FOXJ3: variants seen among roughly 807,000 people sequenced by gnomAD.
The protein encoded by FOXJ3 is forkhead box J3.
In FOXJ3, 22 loss-of-function variants were observed where a neutral mutation model predicts 76.1. The ratio of observed to expected loss-of-function variants is 0.29; its 90% CI spans 0.21 to 0.41. The LOEUF is 0.41. Ranked by LOEUF, FOXJ3 falls within the 10% of genes least tolerant of loss-of-function variation. The probability of loss-of-function intolerance (pLI) is 1.00; values close to 1 mark genes in which losing one functional copy is unlikely to be tolerated. For synonymous variants in FOXJ3, 269 were observed against 261.2 expected (o/e 1.03, Z -0.29); for missense variants, 613 against 762.1 (o/e 0.80, Z 2.30).
chr1:42,263,166 TA>T (rs1340050529), intron 4 of FOXJ3, among the ~76,000 whole-genome samples: 1 of 152,184 alleles, frequency 6.6e-6, no homozygotes, highest in Non-Finnish European at 1.5e-5. Flanking sequence ...TTACCCCATA[TA>T]TTAAAGATGA....
intron 4 of FOXJ3, among the ~76,000 whole-genome samples, chr1:42,231,316 A>G (rs574235785): frequency 6.6e-6 from 1 of 152,134 alleles, no homozygotes; most frequent in African/African-American, 2.4e-5. Context: ...ACAGAGCGAG[A>G]CTCCATCTCC....
At chr1:42,281,098 T>C (rs1652675585) in intron 2 of FOXJ3, among the ~76,000 whole-genome samples, 1 of 152,214 alleles carries the variant, frequency 6.6e-6, no homozygotes, top group South Asian at 2.1e-4. Flanking sequence ...CCAGTGCCAG[T>C]AATGAGACTT....
chr1:42,219,453 C>A (rs1557646642), intron 5 of FOXJ3, among the ~76,000 whole-genome samples: 2 of 152,172 alleles, frequency 1.3e-5, no homozygotes, highest in Non-Finnish European at 2.9e-5. Context: ...TTTCAGGCAG[C>A]CACTGGGGGT....
At chr1:42,200,362 T>C (rs1646739389) in intron 6 of FOXJ3, among the ~76,000 whole-genome samples, 1 of 152,230 alleles carries the variant, frequency 6.6e-6, no homozygotes, top group Non-Finnish European at 1.5e-5. Flanking sequence ...CTACTCTTTA[T>C]ATTTCCTTCT....
chr1:42,301,930 C>T (rs755321979), intron 2 of FOXJ3, among the ~76,000 whole-genome samples: 10 of 151,854 alleles, frequency 6.6e-5, no homozygotes, highest in Non-Finnish European at 1.2e-4. Flanking sequence ...CTAGATAAGC[C>T]GTCTCTCCTT....
chr1:42,203,116 T>C (rs1480780523), intron 6 of FOXJ3, among the ~76,000 whole-genome samples: 6 of 152,240 alleles, frequency 3.9e-5, no homozygotes, highest in African/African-American at 1.4e-4. Context: ...TGCTGATGTG[T>C]CTGATCTGCT....
chr1:42,220,202 T>C (rs1647152760), intron 5 of FOXJ3, among the ~76,000 whole-genome samples: 2 of 152,212 alleles, frequency 1.3e-5, no homozygotes, highest in Admixed American at 6.5e-5. Flanking sequence ...ACTCTGAATA[T>C]GGAACTTAGG....
chr1:42,230,369 C>A (rs1315553083), intron 4 of FOXJ3, among the ~76,000 whole-genome samples: 1 of 152,092 alleles, frequency 6.6e-6, no homozygotes, highest in Non-Finnish European at 1.5e-5. Flanking sequence ...GGCTAAGTAT[C>A]CCTTATCCAA....
At chr1:42,263,380 C>T (rs1467673509) in intron 4 of FOXJ3, among the ~76,000 whole-genome samples, 1 of 152,024 alleles carries the variant, frequency 6.6e-6, no homozygotes, top group African/African-American at 2.4e-5. Flanking sequence ...CTTCACAGGA[C>T]TCTAGTAAAT....
intron 7 of FOXJ3, among the ~76,000 whole-genome samples, chr1:42,196,858 C>T (rs1488906350): frequency 6.6e-6 from 1 of 152,158 alleles, no homozygotes; most frequent in Non-Finnish European, 1.5e-5. Context: ...GGACTGTGTG[C>T]TTTGCTTTCT....
intron 4 of FOXJ3, among the ~76,000 whole-genome samples, chr1:42,246,812 T>G (rs1476071368): frequency 6.6e-6 from 1 of 152,100 alleles, no homozygotes; most frequent in African/African-American, 2.4e-5. Flanking sequence ...AATGGCTGAA[T>G]GGGATAAAGA....
intron 3 of FOXJ3, among the ~76,000 whole-genome samples, chr1:42,272,159 G>GA: frequency 1.3e-5 from 2 of 152,292 alleles, no homozygotes; most frequent in Middle Eastern, 6.8e-3. Context: ...TGCATTTCTG[G>GA]AAAGGTGGTG....
At chr1:42,310,038 C>T (rs1654708744) in intron 2 of FOXJ3, among the ~76,000 whole-genome samples, 2 of 152,046 alleles carry the variant, frequency 1.3e-5, no homozygotes, top group African/African-American at 4.8e-5. Context: ...ATGTTTTTAC[C>T]ATCCCTTAGA....
At chr1:42,262,997 A>C (rs946442892) in intron 4 of FOXJ3, among the ~76,000 whole-genome samples, 5 of 150,964 alleles carry the variant, frequency 3.3e-5, no homozygotes, top group Non-Finnish European at 5.9e-5. Context: ...GTGTTTTAAT[A>C]CATACAAAAC....
intron 5 of FOXJ3, among the ~76,000 whole-genome samples, chr1:42,208,277 C>T (rs1399672989): frequency 6.6e-6 from 1 of 152,296 alleles, no homozygotes; most frequent in Middle Eastern, 3.4e-3. Flanking sequence ...CAAAGAAATA[C>T]TCATCCCTCA....
intron 4 of FOXJ3, among the ~76,000 whole-genome samples, chr1:42,254,914 T>G (rs1650456157): frequency 6.6e-6 from 1 of 150,776 alleles, no homozygotes; most frequent in African/African-American, 2.5e-5. Context: ...TGTACACATA[T>G]GTAACTAACC....
chr1:42,319,775 T>C (rs1050377246), intron 1 of FOXJ3, among the ~76,000 whole-genome samples: 3 of 152,132 alleles, frequency 2.0e-5, no homozygotes, highest in African/African-American at 7.2e-5. Context: ...TGCCACAGGA[T>C]CCACCCCCAA....
At chr1:42,260,198 T>C (rs1650927664) in intron 4 of FOXJ3, among the ~76,000 whole-genome samples, 1 of 152,226 alleles carries the variant, frequency 6.6e-6, no homozygotes, top group South Asian at 2.1e-4. Context: ...TTTAATGTTA[T>C]ATTTTATGTT....
chr1:42,267,472 C>T (rs1030142494), intron 3 of FOXJ3, among the ~76,000 whole-genome samples: 2 of 151,986 alleles, frequency 1.3e-5, no homozygotes, highest in African/African-American at 2.4e-5. Context: ...CCCACAAGAA[C>T]GGCCTGAGAA....
Sources: allele counts gnomAD v4.1 joint callset (sites outside exome capture counted in the v4.1 genomes callset), GRCh38; gene constraint gnomAD v4.1.1; transcripts MANE v1.5; gene names NCBI Gene and HGNC (gene_info 2026-07-23, HGNC 2026-07-21).